The following CEP131 variants were observed in gnomAD, a reference collection of about 807,000 sequenced individuals.
The protein encoded by CEP131 is centrosomal protein of 131 kDa.
Under a neutral mutation model 136.8 loss-of-function variants are expected in CEP131, and 99 were observed. The ratio of observed to expected loss-of-function variants is 0.72; its 90% confidence interval spans 0.62 to 0.86. CEP131 has a LOEUF of 0.86. Among genes scored for constraint, CEP131 ranks in the 40% least tolerant of loss-of-function variants. The pLI is 0.00. For synonymous variants in CEP131, 646 were observed against 612.7 expected (o/e 1.05, Z -0.80); for missense variants, 1,459 against 1,463.0 (o/e 1.00, Z 0.04).
intron 5 of CEP131, among the ~76,000 whole-genome samples, chr17:81,206,292 G>A (rs535987239): frequency 4.6e-5 from 7 of 152,076 alleles, no homozygotes; most frequent in African/African-American, 1.7e-4. Flanking sequence ...CTATTCCCTT[G>A]GCAAAGGCTC....
At chr17:81,193,144 G>A (rs79775180) in intron 18 of CEP131, among the ~76,000 whole-genome samples, 220 of 152,332 alleles carry the variant, frequency 1.4e-3, no homozygotes, top group African/African-American at 5.0e-3. Context: ...CCCGTGTGCC[G>A]GCCTCACCCT....
intron 2 of CEP131, among the ~76,000 whole-genome samples, chr17:81,211,417 C>T (rs1188795876): frequency 6.6e-6 from 1 of 152,188 alleles, no homozygotes; most frequent in African/African-American, 2.4e-5. Flanking sequence ...AAAAGAGAGA[C>T]CCTGAAAAGG....
chr17:81,200,726 C>T (rs1347688100), intron 7 of CEP131, among the ~76,000 whole-genome samples: 1 of 152,194 alleles, frequency 6.6e-6, no homozygotes, highest in Non-Finnish European at 1.5e-5. Flanking sequence ...TTTACAATTG[C>T]CAGGAAGTGG....
intron 11 of CEP131, 64 bp from the exon 12 acceptor site, chr17:81,198,361 G>C: frequency 6.7e-7 from 1 of 1,481,558 alleles, no homozygotes; most frequent in Non-Finnish European, 9.1e-7. Context: ...CCCCCACATA[G>C]GAGGCCAACC....
At chr17:81,192,685 G>GGGGGGGGGGGCCGCC in intron 19 of CEP131, 51 bp downstream of exon 19, 1 of 478,436 alleles carries the variant, frequency 2.1e-6, no homozygotes, top group Non-Finnish European at 4.1e-6. Context: ...GGGGGGAGGG[G>GGGGGGGGGGGCCGCC]TCAGCCAGCG....
chr17:81,211,776 T>TA (rs1048140054), intron 2 of CEP131, among the ~76,000 whole-genome samples: 1 of 150,050 alleles, frequency 6.7e-6, no homozygotes. Flanking sequence ...CTACAAAAAA[T>TA]AAAAAAATTA....
intron 11 of CEP131, 57 bp from the exon 12 acceptor site, chr17:81,198,354 C>G (rs1040858695): frequency 6.7e-7 from 1 of 1,494,648 alleles, no homozygotes. Flanking sequence ...AGAGCAGCCC[C>G]CACATAGGAG....
chr17:81,221,690 C>T (rs552803048), intron 1 of CEP131, among the ~76,000 whole-genome samples: 4 of 152,206 alleles, frequency 2.6e-5, no homozygotes, highest in Non-Finnish European at 4.4e-5. Context: ...CCATCCGGCT[C>T]GGACTCCCTT....
intron 3 of CEP131, among the ~76,000 whole-genome samples, chr17:81,207,962 C>CCACACACACCACATA: frequency 9.0e-4 from 1 of 1,112 alleles, no homozygotes; most frequent in Non-Finnish European, 2.3e-3. Context: ...CCCATACACA[C>CCACACACACCACATA]ACACACACCA....
At position 81,191,270 on chromosome 17, in the gene CEP131, C is replaced by T. The variant is rs747226056; in HGVS notation, c.2688G>A (p.Glu896=). 3.7e-6 allele frequency: 6 copies of T among 1,613,574 alleles called. No individual in the cohort carries two copies. Among genetic ancestry groups the T allele is most frequent in the South Asian group, 3.3e-5 (3 of 91,090 alleles). The change falls in exon 22 of 26, where the codon GAG becomes GAA. Residue 896 remains glutamate (E), a synonymous_variant. Transcript: ENST00000450824. ...CCAGCCGGTGAATGACCAGCTCAATCTCCTTGTCCCGGCCTTTCCGGATTT... is the reference window on the plus strand; with the variant it reads ...CCAGCCGGTGAATGACCAGCTCAATTTCCTTGTCCCGGCCTTTCCGGATTT... ...REEIRKGRDK[E]IELVIHRLEA... is the part of the protein sequence containing the mutation.
In CEP131 at chr17:81,193,936, C is replaced by A; in HGVS notation, c.2311G>T (p.Ala771Ser). The change falls in exon 18 of 26, where the codon GCT (alanine) becomes TCT (serine). Residue 771 changes from alanine (A) to serine (S), a missense_variant. Physicochemically the swap from Ala to Ser is moderately conservative, Grantham distance 99. Around this residue, in one of 3 missense-constraint regions of CEP131, gnomAD observed 1,026 missense variants for 964.2 expected, o/e 1.06. Coordinates refer to ENST00000450824, the MANE Select transcript of CEP131 (RefSeq NM_014984.4). The part of the protein sequence containing the change: ...EALGQQERER[A>S]RQRFQQHLEQ... ...GGGGCCACCACCCACCGCTGCCGAGCACGTTCGCGCTCCTGCTGGCCCAGC... is the reference window on the plus strand; with the variant it reads ...GGGGCCACCACCCACCGCTGCCGAGAACGTTCGCGCTCCTGCTGGCCCAGC... 6.5e-7 allele frequency: 1 copy of A among 1,535,284 alleles called. No homozygotes were observed. The highest frequency in any genetic ancestry group is 1.2e-5 in the South Asian group (1 of 83,582).
At position 81,198,888 on chromosome 17, in the gene CEP131, C is replaced by T; in HGVS notation, c.1276G>A (p.Asp426Asn). 1 of 1,587,722 alleles carries T rather than the reference C, an allele frequency of 6.3e-7. No individual in the cohort carries two copies. The highest frequency in any genetic ancestry group is 1.2e-5 in the South Asian group (1 of 86,882). ...AGCTGTGCTCAGACCTGCGTCCTGTCCTCTGGAGGCTGCTGTGGTTCTGGG... is the reference window on the plus strand; with the variant it reads ...AGCTGTGCTCAGACCTGCGTCCTGTTCTCTGGAGGCTGCTGTGGTTCTGGG... Reference protein sequence around the residue: ...SSPEPQQPPEDRTQDVLAQDA... With the variant: ...SSPEPQQPPENRTQDVLAQDA... Residue 426 changes from aspartate to asparagine, a missense_variant, in exon 11 of 26, where the codon GAC becomes AAC. By Grantham distance (23) the Asp-to-Asn change is conservative (BLOSUM62 1). Around this residue, in one of 3 missense-constraint regions of CEP131, gnomAD observed 1,026 missense variants for 964.2 expected, o/e 1.06. Coordinates refer to ENST00000450824, the MANE Select transcript of CEP131 (RefSeq NM_014984.4).
intron 5 of CEP131, among the ~76,000 whole-genome samples, chr17:81,204,863 G>A (rs2061969615): frequency 6.6e-6 from 1 of 152,102 alleles, no homozygotes; most frequent in Non-Finnish European, 1.5e-5. Flanking sequence ...GGTTCTTGGA[G>A]CGCGGCTCAT....
chr17:81,206,974 G>A lies in CEP131; in HGVS notation c.388-103C>T, dbSNP rs2062021241. The A allele has an allele frequency of 1.9e-6, 3 of 1,545,010 alleles. No individual in the cohort carries two copies. In the South Asian group the frequency reaches 3.7e-5, roughly 19 times the overall value. ...GGAGGAGCCACCAACTTCCCATACA[G>A]ACAGGTGGATGTCCTGGGGTCTGCC... is the stretch of plus-strand genomic sequence containing the variant. On this transcript the variant is annotated intron_variant, in intron 4 of 25. Transcript: ENST00000450824.
intron 5 of CEP131, 123 bp downstream of exon 5, chr17:81,206,621 C>T (rs1408399562): frequency 7.5e-7 from 1 of 1,337,904 alleles, no homozygotes; most frequent in Admixed American, 2.4e-5. Context: ...TTCTTTCACT[C>T]ACTCACTCAT....
chr17:81,202,412 AG>A lies in CEP131; in HGVS notation c.630-15del, dbSNP rs1212825718. 6.2e-7 allele frequency: 1 copy of A among 1,611,394 alleles called. No individual in the cohort carries two copies. The highest frequency in any genetic ancestry group is 1.1e-5 in the South Asian group (1 of 90,984). ...TTGATGATGTTGCTGACAGGTAAGA[AG>A]AAAACACCCTCGTCTCACCGCCCAG... is the stretch of plus-strand genomic sequence containing the variant. On this transcript the variant is annotated splice_polypyrimidine_tract_variant and intron_variant, in intron 6 of 25. Transcript: ENST00000450824.
chr17:81,190,800 C>G lies in CEP131; in HGVS notation c.2946G>C (p.Val982=). 1 of 1,606,606 alleles carries G rather than the reference C, an allele frequency of 6.2e-7. No homozygotes were observed. The highest frequency in any genetic ancestry group is 8.5e-7 in the Non-Finnish European group (1 of 1,176,000). ...TGCGCTCGCTAGAAAGCTGCTCGTT[C>G]ACCTGGGTGGGCACAGAAGGCAGTG... ...KERALEDAQA[V]NEQLSSERSN... The change falls in exon 24 of 26, where the codon GTG becomes GTC. Residue 982 remains valine (V), a splice_region_variant and synonymous_variant. Coordinates refer to ENST00000450824, the MANE Select transcript of CEP131 (RefSeq NM_014984.4).
chr17:81,205,683 G>A (rs749594927), intron 5 of CEP131, among the ~76,000 whole-genome samples: 9 of 151,882 alleles, frequency 5.9e-5, no homozygotes, highest in African/African-American at 9.7e-5. Context: ...AGGATTGCCC[G>A]AGCCCAGGAG....
chr17:81,192,665 TGAGGGGGCGGGGGG>T (rs2061667692), intron 19 of CEP131, 57 bp downstream of exon 19: 3 of 198,224 alleles, frequency 1.5e-5, no homozygotes, highest in South Asian at 4.0e-5. Flanking sequence ...GGTCAGCGGG[TGAGGGGGCGGGGGG>T]GAGGGGTCAG....
Sources: gnomAD v4.1 joint callset for allele counts (sites outside exome capture counted in the v4.1 genomes callset) on GRCh38, gnomAD v4.1.1 for gene constraint, gnomAD v4.1.1 regional missense constraint, MANE v1.5 for transcripts, NCBI Gene and HGNC (gene_info 2026-07-23, HGNC 2026-07-21) for gene names.